CSMD1: variants seen among roughly 807,000 people sequenced by gnomAD.
CSMD1 encodes CUB and sushi domain-containing protein 1.
Under a neutral mutation model 417.5 loss-of-function variants are expected in CSMD1, and 213 were observed. The observed-to-expected ratio is 0.51, with a 90% CI of 0.46 to 0.57. The LOEUF is 0.57. Ranked by LOEUF, CSMD1 falls within the 20% of genes least tolerant of loss-of-function variation. CSMD1 has a pLI of 0.00. For missense variants in CSMD1, 6,923 were observed against 4,529.7 expected (o/e 1.53, Z -15.17); for synonymous variants, 2,862 against 1,736.8 (o/e 1.65, Z -16.11).
At chr8:4,579,232 C>T (rs1563304418) in intron 2 of CSMD1, among the ~76,000 whole-genome samples, 1 of 151,314 alleles carries the variant, frequency 6.6e-6, no homozygotes, top group South Asian at 2.1e-4. Context: ...AATCCTCATG[C>T]CAACGGCGAA....
intron 21 of CSMD1, among the ~76,000 whole-genome samples, chr8:3,356,410 C>T (rs1474940933): frequency 6.6e-6 from 1 of 152,222 alleles, no homozygotes; most frequent in Non-Finnish European, 1.5e-5. Flanking sequence ...GGCACTGTGG[C>T]TCACGCCTGT....
intron 3 of CSMD1, among the ~76,000 whole-genome samples, chr8:4,116,927 T>A (rs1222230526): frequency 6.6e-6 from 1 of 152,028 alleles, no homozygotes; most frequent in South Asian, 2.1e-4. Flanking sequence ...ATGTGTACCA[T>A]CCTTTGTCTT....
chr8:4,707,886 C>CAAAAAAAAAAAAAAAAAAAAAAAAAAAAA (rs552510236), intron 1 of CSMD1, among the ~76,000 whole-genome samples: 1 of 100,852 alleles, frequency 9.9e-6, no homozygotes, highest in Non-Finnish European at 2.0e-5. Context: ...GACTTTGTTT[C>CAAAAAAAAAAAAAAAAAAAAAAAAAAAAA]AAAAAAAAAA....
In CSMD1 at chr8:4,267,172, T is replaced by C. The variant is rs190650352; in HGVS notation, c.415+152781A>G. Among the ~76,000 whole-genome samples the C allele has an allele frequency of 2.4e-3, 248 of 101,228 alleles. 33 individuals are homozygous for C. Among genetic ancestry groups the C allele is most frequent in the African/African-American group, 6.6e-3 (238 of 36,114 alleles). 66.4% of individuals were successfully genotyped at this position (101,228 alleles called of 152,430 possible). A position where few individuals can be genotyped will look rare whatever the true frequency, so the allele number is the denominator to read the frequency against. On this transcript the variant is annotated intron_variant, in intron 3 of 69. Coordinates refer to ENST00000635120, the MANE Select transcript of CSMD1 (RefSeq NM_033225.6). ...TAATTATTTGAAACAGTGAAGATAATATTCATTAATTCCAAAAAATGCACA... is the reference window on the plus strand; with the variant it reads ...TAATTATTTGAAACAGTGAAGATAACATTCATTAATTCCAAAAAATGCACA...
chr8:3,176,633 G>A (rs1296675932), intron 37 of CSMD1, among the ~76,000 whole-genome samples: 3 of 151,996 alleles, frequency 2.0e-5, no homozygotes, highest in African/African-American at 7.2e-5. Flanking sequence ...GGGATGTAGA[G>A]ATCTGCAAAA....
intron 4 of CSMD1, among the ~76,000 whole-genome samples, chr8:4,007,484 T>C (rs977239683): frequency 1.3e-5 from 2 of 152,050 alleles, no homozygotes; most frequent in Non-Finnish European, 2.9e-5. Flanking sequence ...CAAGGCACTT[T>C]CCTGCCCGCC....
intron 12 of CSMD1, among the ~76,000 whole-genome samples, chr8:3,464,191 T>C (rs1816674163): frequency 1.3e-5 from 2 of 152,138 alleles, no homozygotes; most frequent in African/African-American, 4.8e-5. Context: ...TCAACTAGTG[T>C]GATGAACTCG....
intron 5 of CSMD1, among the ~76,000 whole-genome samples, chr8:3,769,895 G>A (rs1166685011): frequency 1.3e-5 from 2 of 152,202 alleles, no homozygotes; most frequent in Middle Eastern, 6.3e-3. Context: ...TAGCTCTTCA[G>A]GACTTTTGAG....
At chr8:3,377,711 T>A (rs1412981492) in intron 18 of CSMD1, among the ~76,000 whole-genome samples, 1 of 152,172 alleles carries the variant, frequency 6.6e-6, no homozygotes, top group Non-Finnish European at 1.5e-5. Flanking sequence ...GGATGCCTGT[T>A]CACATGCTGG....
chr8:4,244,791 C>T (rs1504767), intron 3 of CSMD1, among the ~76,000 whole-genome samples: 147,731 of 152,292 alleles, frequency 0.97, 71,812 homozygotes, highest in East Asian at 1. Context: ...ATATTTTATA[C>T]GTATGTATAA....
chr8:4,539,244 C>T (rs1358116), intron 2 of CSMD1, among the ~76,000 whole-genome samples: 55,065 of 152,012 alleles, frequency 0.36, 11,132 homozygotes, highest in South Asian at 0.47. Context: ...CTAAATATTG[C>T]ATTCAGCTTT....
intron 6 of CSMD1, among the ~76,000 whole-genome samples, chr8:3,742,841 C>T (rs1269556121): frequency 1.3e-5 from 2 of 152,222 alleles, no homozygotes; most frequent in African/African-American, 4.8e-5. Flanking sequence ...AACTTCTTCA[C>T]TGTGAAGAGT....
chr8:4,334,467 G>C (rs1470865528), intron 3 of CSMD1, among the ~76,000 whole-genome samples: 1 of 152,146 alleles, frequency 6.6e-6, no homozygotes, highest in African/African-American at 2.4e-5. Flanking sequence ...AAACTCCTGA[G>C]TGTTCATCCT....
intron 50 of CSMD1, among the ~76,000 whole-genome samples, chr8:3,033,494 C>T (rs890249140): frequency 2.2e-4 from 34 of 152,026 alleles, no homozygotes; most frequent in African/African-American, 7.0e-4. Flanking sequence ...ACGGTTAACA[C>T]GGGAACAGAA....
At chr8:3,673,895 A>T (rs915920733) in intron 7 of CSMD1, among the ~76,000 whole-genome samples, 3 of 152,110 alleles carry the variant, frequency 2.0e-5, no homozygotes, top group Non-Finnish European at 4.4e-5. Context: ...AGGCAGGCAG[A>T]ATGCTTGAGC....
intron 26 of CSMD1, among the ~76,000 whole-genome samples, chr8:3,267,812 G>T (rs1801543935): frequency 6.6e-6 from 1 of 152,148 alleles, no homozygotes; most frequent in Non-Finnish European, 1.5e-5. Flanking sequence ...GGCCGGGGCT[G>T]ATGTCACCCA....
chr8:4,101,814 G>C (rs918346829), intron 3 of CSMD1, among the ~76,000 whole-genome samples: 1 of 122,372 alleles, frequency 8.2e-6, no homozygotes, highest in Non-Finnish European at 1.7e-5. Context: ...AGTGAACGGA[G>C]AATTACTCAC....
chr8:3,282,364 C>T (rs1802805612), intron 26 of CSMD1, among the ~76,000 whole-genome samples: 1 of 151,958 alleles, frequency 6.6e-6, no homozygotes, highest in African/African-American at 2.4e-5. Context: ...TGCAAAACTA[C>T]TCTAAAAAAA....
chr8:3,118,834 T>A (rs1563061898), intron 41 of CSMD1, among the ~76,000 whole-genome samples: 1 of 152,306 alleles, frequency 6.6e-6, no homozygotes, highest in Non-Finnish European at 1.5e-5. Context: ...ATACCAAAAG[T>A]AAATTTTATA....
Sources: allele counts gnomAD v4.1 joint callset (sites outside exome capture counted in the v4.1 genomes callset), GRCh38; gene constraint gnomAD v4.1.1; transcripts MANE v1.5; gene names NCBI Gene and HGNC (gene_info 2026-07-23, HGNC 2026-07-21).